Variants in CNTNAP3B observed in about 807,000 individuals in gnomAD.
CNTNAP3B encodes the protein contactin associated protein family member 3B, also known as contactin-associated protein-like 3B.
In CNTNAP3B, 25 loss-of-function variants were observed where a neutral mutation model predicts 108.9. The observed-to-expected ratio is 0.23, with a 90% CI of 0.17 to 0.32. The LOEUF is 0.32. Ranked by LOEUF, CNTNAP3B falls within the 10% of genes least tolerant of loss-of-function variation. The probability of loss-of-function intolerance (pLI) is 1.00; values close to 1 mark genes in which losing one functional copy is unlikely to be tolerated. For missense variants in CNTNAP3B, 252 were observed against 1,210.4 expected, an observed-to-expected ratio of 0.21 and a Z score of 11.75; for synonymous variants, 103 against 473.4, an observed-to-expected ratio of 0.22 and a Z score of 10.16.
intron 2 of CNTNAP3B, among the ~76,000 whole-genome samples, chr9:42,100,075 T>C (rs1251693174): frequency 2.2e-5 from 1 of 44,470 alleles, no homozygotes; most frequent in Non-Finnish European, 4.8e-5. Flanking sequence ...ATGATAGATG[T>C]GTGTGGGCCA....
chr9:42,090,973 T>TATAC lies in CNTNAP3B; in HGVS notation c.196+13655_196+13656insGTAT, dbSNP rs1207817338. ...CTGACTCTCTCTAAATATATATATA[T>TATAC]ACACACACACACACACACACACACA... On this transcript the variant is annotated intron_variant, in intron 2 of 23. Coordinates refer to ENST00000377561, the MANE Select transcript of CNTNAP3B (RefSeq NM_001201380.3). Among the ~76,000 whole-genome samples, 58 of 37,788 alleles carry TATAC rather than the reference T, an allele frequency of 1.5e-3. 10 individuals carry two copies. Among genetic ancestry groups the TATAC allele is most frequent in the African/African-American group, 4.1e-3 (58 of 13,986 alleles). 24.8% of individuals were successfully genotyped at this position (37,788 alleles called of 152,430 possible). A position where few individuals can be genotyped will look rare whatever the true frequency, so the allele number is the denominator to read the frequency against.
intron 14 of CNTNAP3B, among the ~76,000 whole-genome samples, chr9:41,936,683 T>G (rs1309710689): frequency 6.6e-6 from 1 of 152,278 alleles, no homozygotes; most frequent in Non-Finnish European, 1.5e-5. Context: ...GACCTGAAAC[T>G]TACTGGTGGC....
intron 1 of CNTNAP3B, among the ~76,000 whole-genome samples, chr9:42,112,865 A>G (rs1438301257): frequency 2.0e-5 from 2 of 100,940 alleles, no homozygotes; most frequent in African/African-American, 7.7e-5. Flanking sequence ...GAAAGTTTAC[A>G]GAGTTTTTTT....
chr9:42,067,320 TC>T (rs1827290725), intron 3 of CNTNAP3B, among the ~76,000 whole-genome samples: 1 of 148,442 alleles, frequency 6.7e-6, no homozygotes, highest in African/African-American at 2.5e-5. Flanking sequence ...ATAGATACAA[TC>T]TTGTTTATGA....
chr9:42,071,805 G>A (rs546185878), intron 3 of CNTNAP3B, among the ~76,000 whole-genome samples: 8 of 141,020 alleles, frequency 5.7e-5, no homozygotes, highest in South Asian at 2.3e-4. Context: ...TGGATTGATC[G>A]TGGAGTGTGA....
intron 13 of CNTNAP3B, among the ~76,000 whole-genome samples, chr9:41,951,590 A>G (rs368990078): frequency 0.063 from 9,168 of 144,418 alleles, no homozygotes; most frequent in Middle Eastern, 0.13. Flanking sequence ...TCTGAGAAAG[A>G]TTAAGGAATG....
chr9:41,920,923 C>G (rs1386921838), intron 17 of CNTNAP3B, among the ~76,000 whole-genome samples: 1 of 152,302 alleles, frequency 6.6e-6, no homozygotes, highest in Non-Finnish European at 1.5e-5. Flanking sequence ...TGCATGCATG[C>G]ACATTTTGTC....
chr9:41,894,515 ACCAC>A, intron 23 of CNTNAP3B, among the ~76,000 whole-genome samples: 1 of 46,164 alleles, frequency 2.2e-5, no homozygotes, highest in Non-Finnish European at 4.1e-5. Context: ...AAATAAACCA[ACCAC>A]CTATTATATT....
At chr9:41,918,077 C>T (rs201446186) in intron 18 of CNTNAP3B, among the ~76,000 whole-genome samples, 1,146 of 150,920 alleles carry the variant, frequency 7.6e-3, no homozygotes, top group South Asian at 0.027. Flanking sequence ...ATGCCTGTTT[C>T]GTATGAGAGA....
intron 15 of CNTNAP3B, among the ~76,000 whole-genome samples, chr9:41,928,455 C>T (rs542964462): frequency 3.3e-5 from 5 of 151,746 alleles, no homozygotes; most frequent in Admixed American, 2.6e-4. Context: ...GGAGTGAGTA[C>T]ACATCGATAG....
intron 11 of CNTNAP3B, among the ~76,000 whole-genome samples, chr9:41,963,063 C>T (rs1179009788): frequency 6.6e-6 from 1 of 152,378 alleles, no homozygotes; most frequent in African/African-American, 2.4e-5. Flanking sequence ...GTGAGAGTCA[C>T]TCCTGGACTG....
intron 1 of CNTNAP3B, among the ~76,000 whole-genome samples, chr9:42,118,712 A>G (rs1263292021): frequency 8.7e-6 from 1 of 114,670 alleles, no homozygotes; most frequent in Non-Finnish European, 1.8e-5. Context: ...AGGGCATTCA[A>G]TTAGGAAAAG....
intron 20 of CNTNAP3B, 29 bp downstream of exon 20, chr9:41,906,825 T>C (rs1470772889): frequency 1.5e-6 from 1 of 652,456 alleles, no homozygotes; most frequent in African/African-American, 1.8e-5. Flanking sequence ...TAATATTAGT[T>C]AGTTTGACTT....
intron 12 of CNTNAP3B, among the ~76,000 whole-genome samples, chr9:41,959,763 A>C (rs1003695387): frequency 6.6e-6 from 1 of 152,308 alleles, no homozygotes; most frequent in Non-Finnish European, 1.5e-5. Context: ...ATGTAATTTC[A>C]GTTATTTGTT....
At chr9:41,961,889 T>C (rs572341376) in intron 11 of CNTNAP3B, among the ~76,000 whole-genome samples, 178 of 152,156 alleles carry the variant, frequency 1.2e-3, no homozygotes, top group Non-Finnish European at 1.7e-3. Context: ...GAGATGGACA[T>C]TGCTAATCTT....
chr9:41,915,972 G>A (rs201467010), intron 18 of CNTNAP3B, among the ~76,000 whole-genome samples: 11,676 of 144,914 alleles, frequency 0.081, no homozygotes, highest in Admixed American at 0.18. Context: ...ATACAAGTGA[G>A]ATTTAGAAAA....
intron 11 of CNTNAP3B, among the ~76,000 whole-genome samples, chr9:41,963,264 G>C (rs1227764593): frequency 2.6e-5 from 4 of 152,258 alleles, no homozygotes; most frequent in Non-Finnish European, 5.9e-5. Context: ...GTGGAACTGA[G>C]GACTTTGCAT....
At chr9:41,966,623 G>A (rs1825284279) in intron 10 of CNTNAP3B, among the ~76,000 whole-genome samples, 1 of 152,274 alleles carries the variant, frequency 6.6e-6, no homozygotes, top group South Asian at 2.1e-4. Flanking sequence ...GGTATACAGG[G>A]CAAACCTTAA....
At chr9:42,117,575 A>G (rs1382666147) in intron 1 of CNTNAP3B, among the ~76,000 whole-genome samples, 2 of 139,710 alleles carry the variant, frequency 1.4e-5, no homozygotes, top group African/African-American at 5.7e-5. Flanking sequence ...AGAAAGCAGG[A>G]AAGATCTAAA....
Sources: allele counts gnomAD v4.1 joint callset (sites outside exome capture counted in the v4.1 genomes callset), GRCh38; gene constraint gnomAD v4.1.1; transcripts MANE v1.5; gene names NCBI Gene and HGNC (gene_info 2026-07-23, HGNC 2026-07-21).